The following RALGAPA2 variants were observed in gnomAD, a reference collection of about 807,000 sequenced individuals.
The protein encoded by RALGAPA2 is ral GTPase-activating protein subunit alpha-2.
Under a neutral mutation model 230.4 loss-of-function variants are expected in RALGAPA2, and 139 were observed. The ratio of observed to expected loss-of-function variants is 0.60; its 90% CI spans 0.53 to 0.69. The LOEUF (loss-of-function observed/expected upper bound fraction) is 0.69. Among genes scored for constraint, RALGAPA2 ranks in the 30% least tolerant of loss-of-function variants. The pLI is 0.00. For missense variants in RALGAPA2, 2,163 were observed against 2,276.0 expected, an observed-to-expected ratio of 0.95 and a Z score of 1.01; for synonymous variants, 847 against 837.8, an observed-to-expected ratio of 1.01 and a Z score of -0.19.
At chr20:20,565,659 T>G (rs916906045) in intron 23 of RALGAPA2, among the ~76,000 whole-genome samples, 1 of 152,220 alleles carries the variant, frequency 6.6e-6, no homozygotes, top group Non-Finnish European at 1.5e-5. Context: ...AACATTGATG[T>G]GACAAAACGT....
chr20:20,555,874 C>A (rs557447596), intron 23 of RALGAPA2, among the ~76,000 whole-genome samples: 2 of 152,168 alleles, frequency 1.3e-5, no homozygotes, highest in East Asian at 3.9e-4. Flanking sequence ...TTTCATTTTT[C>A]TTTCCAGTCT....
intron 37 of RALGAPA2, among the ~76,000 whole-genome samples, chr20:20,427,540 G>A (rs1421503190): frequency 1.3e-5 from 2 of 152,000 alleles, no homozygotes; most frequent in African/African-American, 4.8e-5. Context: ...CTGTCTTCCT[G>A]CCCCTGGTCC....
At position 20,616,255 on chromosome 20, in the gene RALGAPA2, T is replaced by C. The variant is rs185377230; in HGVS notation, c.1540-64A>G. 3.4e-5 allele frequency: 42 copies of C among 1,221,730 alleles called. No individual in the cohort carries two copies. In the Admixed American group the frequency reaches 1.3e-3, roughly 38 times the overall value. 75.7% of individuals were successfully genotyped at this position (1,221,730 alleles called of 1,614,324 possible). A position where few individuals can be genotyped will look rare whatever the true frequency, so the allele number is the denominator to read the frequency against. On this transcript the variant is annotated intron_variant, in intron 12 of 39. Transcript: ENST00000202677. Reference sequence around the variant, plus strand: ...ACATAAACATTTGAATAAATTTTGCTTACAGATATTAATTTCACTCTACCA... The same window carrying C: ...ACATAAACATTTGAATAAATTTTGCCTACAGATATTAATTTCACTCTACCA...
intron 14 of RALGAPA2, among the ~76,000 whole-genome samples, chr20:20,607,285 G>A (rs2065850250): frequency 6.6e-6 from 1 of 152,040 alleles, no homozygotes; most frequent in Admixed American, 6.5e-5. Flanking sequence ...TATTTAAAGT[G>A]GTCCTTCTGT....
Position 20,712,287 on chromosome 20 carries a change from CAGCCACCGA to C in RALGAPA2, c.106+79_106+87del. 7.9e-7 allele frequency: 1 copy of C among 1,273,836 alleles called. No homozygotes were observed. The highest frequency in any genetic ancestry group is 1.1e-6 in the Non-Finnish European group (1 of 941,814). The allele number at this position is 1,273,836 out of a possible 1,614,324, so 78.9% of individuals were successfully genotyped here. On this transcript the variant is annotated intron_variant, in intron 1 of 39. Transcript: ENST00000202677. The surrounding 1 kb of genome is among the most constrained non-coding windows in gnomAD (Gnocchi z 5.5). ...CCACCCATCCCCCTCCCCAGCCTCC[CAGCCACCGA>C]CCCCTGCACAGAGGAGCGCCCTCCC... is the stretch of plus-strand genomic sequence containing the variant.
intron 38 of RALGAPA2, among the ~76,000 whole-genome samples, chr20:20,402,674 C>T (rs937945385): frequency 3.9e-5 from 6 of 152,250 alleles, no homozygotes; most frequent in Admixed American, 6.5e-5. Context: ...TCACCAGACA[C>T]ATATGACATA....
intron 23 of RALGAPA2, among the ~76,000 whole-genome samples, chr20:20,567,453 G>C (rs906087480): frequency 1.8e-4 from 28 of 152,170 alleles, no homozygotes; most frequent in African/African-American, 6.5e-4. Flanking sequence ...TTCCAGGTTG[G>C]GGCAGGGTAG....
At chr20:20,513,501 A>C (rs1462585890) in intron 31 of RALGAPA2, among the ~76,000 whole-genome samples, 2 of 152,200 alleles carry the variant, frequency 1.3e-5, no homozygotes, top group African/African-American at 4.8e-5. Context: ...GGAATCGTGA[A>C]GGATGTTCCA....
intron 27 of RALGAPA2, among the ~76,000 whole-genome samples, chr20:20,531,189 AT>A (rs887296457): frequency 3.3e-5 from 5 of 152,180 alleles, no homozygotes; most frequent in African/African-American, 1.2e-4. Flanking sequence ...TAACAGAATT[AT>A]TTAGAGTTCG....
chr20:20,469,940 A>C (rs142449682), intron 37 of RALGAPA2, among the ~76,000 whole-genome samples: 89 of 152,252 alleles, frequency 5.8e-4, no homozygotes, highest in Non-Finnish European at 1.2e-3. Context: ...CCACTTGACA[A>C]ATTTGATTTA....
At chr20:20,653,410 C>T (rs2067478342) in intron 4 of RALGAPA2, 120 bp downstream of exon 4, 1 of 646,820 alleles carries the variant, frequency 1.5e-6, no homozygotes, top group African/African-American at 1.9e-5. Context: ...TACCATAATA[C>T]CATACCCTTA....
rs1440644887 is a variant in RALGAPA2 at position 20,512,817 on chromosome 20, C to A, written c.4552G>T (p.Asp1518Tyr). Residue 1518 changes from aspartate (D) to tyrosine (Y), a missense_variant, in exon 32 of 40, where the codon GAT (aspartate) becomes TAT (tyrosine). Transcript: ENST00000202677. ...KDSSQVEEGD[D>Y]VLDKLLENIG... ...TTTTCAAGTAATTTGTCAAGAACAT[C>A]ATCCCCCTCCTCAACTTGAGAAGAG... The A allele has an allele frequency of 1.1e-5, 17 of 1,613,546 alleles. No homozygotes were observed. The highest frequency in any genetic ancestry group is 1.6e-4 in the Middle Eastern group (1 of 6,084).
At chr20:20,507,109 A>G (rs1197459625) in intron 33 of RALGAPA2, among the ~76,000 whole-genome samples, 1 of 152,206 alleles carries the variant, frequency 6.6e-6, no homozygotes, top group Admixed American at 6.5e-5. Flanking sequence ...ATTTGTGAAC[A>G]CTTTTTTATT....
In RALGAPA2 at chr20:20,461,955, C is replaced by T. The variant is rs113693572; in HGVS notation, c.5495+10874G>A. ...GACCCTGAGGTTTCAGGAGGCAGCCCCTTCATTGGTGTTGGATTAAGGACC... is the reference window on the plus strand; with the variant it reads ...GACCCTGAGGTTTCAGGAGGCAGCCTCTTCATTGGTGTTGGATTAAGGACC... On this transcript the variant is annotated intron_variant, in intron 37 of 39. Transcript: ENST00000202677. Among the ~76,000 whole-genome samples, 1,278 of 150,710 alleles carry T rather than the reference C, an allele frequency of 8.5e-3. 14 individuals are homozygous for T. Among genetic ancestry groups the T allele is most frequent in the African/African-American group, 0.03 (1,213 of 40,614 alleles).
At chr20:20,568,941 C>T (rs2064536891) in intron 23 of RALGAPA2, among the ~76,000 whole-genome samples, 1 of 152,168 alleles carries the variant, frequency 6.6e-6, no homozygotes. Context: ...AATCCTTTTG[C>T]TGCTAGGATA....
At chr20:20,576,013 T>A (rs1231455827) in intron 20 of RALGAPA2, among the ~76,000 whole-genome samples, 3 of 152,178 alleles carry the variant, frequency 2.0e-5, no homozygotes, top group African/African-American at 7.2e-5. Flanking sequence ...CTCTTGCTTA[T>A]TTTTAAAAGC....
chr20:20,537,189 G>C (rs2063519734), intron 24 of RALGAPA2, among the ~76,000 whole-genome samples: 1 of 152,300 alleles, frequency 6.6e-6, no homozygotes, highest in South Asian at 2.1e-4. Context: ...AACTATCGGA[G>C]AGTAGAAAGA....
chr20:20,679,087 T>TA (rs2068435267), intron 2 of RALGAPA2, among the ~76,000 whole-genome samples: 1 of 152,130 alleles, frequency 6.6e-6, no homozygotes, highest in South Asian at 2.1e-4. Context: ...CCCTTGGCAA[T>TA]AACACGATTT....
At chr20:20,689,207 C>T (rs976474017) in intron 1 of RALGAPA2, among the ~76,000 whole-genome samples, 2 of 152,152 alleles carry the variant, frequency 1.3e-5, no homozygotes, top group Admixed American at 6.5e-5. Flanking sequence ...TATTCTTTTA[C>T]CTTTTAACAA....
Sources: allele counts gnomAD v4.1 joint callset (sites outside exome capture counted in the v4.1 genomes callset), GRCh38; gene constraint gnomAD v4.1.1; non-coding constraint Gnocchi (gnomAD v3.1); transcripts MANE v1.5; gene names NCBI Gene and HGNC (gene_info 2026-07-23, HGNC 2026-07-21).